GAS2: variants seen among roughly 807,000 people sequenced by gnomAD.
GAS2 encodes growth arrest-specific protein 2.
GAS2 carries 20 observed loss-of-function variants against 37.5 expected under a neutral mutation model. The ratio of observed to expected loss-of-function variants is 0.53; its 90% CI spans 0.37 to 0.77. The LOEUF (loss-of-function observed/expected upper bound fraction) is 0.77, where lower values mean the gene tolerates loss of function less well. Ranked by LOEUF, GAS2 falls within the 30% of genes least tolerant of loss-of-function variation. The pLI is 0.00. For missense variants in GAS2, 336 were observed against 373.4 expected (o/e 0.90, Z 0.82); for synonymous variants, 144 against 132.2 (o/e 1.09, Z -0.61).
chr11:22,788,737 A>C (rs1402809080), intron 7 of GAS2, among the ~76,000 whole-genome samples: 1 of 152,166 alleles, frequency 6.6e-6, no homozygotes, highest in African/African-American at 2.4e-5. Flanking sequence ...ACATCGTATA[A>C]TAGTCAGTAG....
At chr11:22,703,902 T>C (rs1043210648) in intron 3 of GAS2, among the ~76,000 whole-genome samples, 2 of 152,166 alleles carry the variant, frequency 1.3e-5, no homozygotes, top group African/African-American at 2.4e-5. Context: ...CACACCAGTG[T>C]AGGCTGCTTG....
chr11:22,676,512 G>A (rs1014424055), intron 2 of GAS2, among the ~76,000 whole-genome samples: 2 of 152,064 alleles, frequency 1.3e-5, no homozygotes, highest in African/African-American at 2.4e-5. Context: ...ATGATCTTGG[G>A]CAAATTACTT....
chr11:22,775,481 A>G (rs1855212498), intron 7 of GAS2, among the ~76,000 whole-genome samples: 1 of 152,226 alleles, frequency 6.6e-6, no homozygotes, highest in Non-Finnish European at 1.5e-5. Flanking sequence ...TTATTCTGAT[A>G]CATCTGCCTG....
chr11:22,741,198 A>G (rs1317010184), intron 5 of GAS2, among the ~76,000 whole-genome samples: 1 of 152,186 alleles, frequency 6.6e-6, no homozygotes, highest in Non-Finnish European at 1.5e-5. Flanking sequence ...TCTCATGGGT[A>G]AAACTTACTT....
chr11:22,634,694 T>A (rs995682660), intron 1 of GAS2, among the ~76,000 whole-genome samples: 3 of 152,146 alleles, frequency 2.0e-5, no homozygotes, highest in Non-Finnish European at 4.4e-5. Context: ...TTCTCCAGGA[T>A]GGTGCTGGGG....
At position 22,737,767 on chromosome 11, in the gene GAS2, A is replaced by T; in HGVS notation, c.472A>T (p.Arg158Trp). 6.2e-7 allele frequency: 1 copy of T among 1,614,042 alleles called. No individual in the cohort carries two copies. The highest frequency in any genetic ancestry group is 1.1e-5 in the South Asian group (1 of 91,084). ...CLLELGRIAA[R>W]YGVEPPGLIK... The stretch of plus-strand genomic sequence containing the variant: ...GCTAGAGCTTGGCCGGATTGCAGCC[A>T]GGTAGGTCAAACCACTGCAACTATG... The change falls in exon 5 of 8, where the codon AGG (arginine) becomes TGG (tryptophan). Residue 158 changes from arginine (R) to tryptophan (W), a missense_variant and splice_region_variant. Coordinates refer to ENST00000454584, the MANE Select transcript of GAS2 (RefSeq NM_001143830.3).
chr11:22,731,883 T>G (rs1322774963), intron 4 of GAS2, among the ~76,000 whole-genome samples: 1 of 151,818 alleles, frequency 6.6e-6, no homozygotes, highest in Non-Finnish European at 1.5e-5. Context: ...TATTTTAGAC[T>G]TTTTATTTTT....
intron 7 of GAS2, among the ~76,000 whole-genome samples, chr11:22,808,682 C>T (rs1295133427): frequency 6.6e-6 from 1 of 152,164 alleles, no homozygotes; most frequent in Non-Finnish European, 1.5e-5. Context: ...TTGCCAGGGG[C>T]ATTGATACCA....
chr11:22,739,671 G>A (rs1447568678), intron 5 of GAS2, among the ~76,000 whole-genome samples: 1 of 151,002 alleles, frequency 6.6e-6, no homozygotes, highest in African/African-American at 2.4e-5. Flanking sequence ...CTGCTGCCAA[G>A]GAAATGTTCA....
chr11:22,705,627 G>C (rs576131143), intron 3 of GAS2, among the ~76,000 whole-genome samples: 2 of 152,176 alleles, frequency 1.3e-5, no homozygotes, highest in Non-Finnish European at 1.5e-5. Context: ...CTCAACTTTC[G>C]TTTAACCATA....
chr11:22,721,680 G>C (rs1851956272), intron 3 of GAS2, among the ~76,000 whole-genome samples: 1 of 152,046 alleles, frequency 6.6e-6, no homozygotes, highest in Non-Finnish European at 1.5e-5. Flanking sequence ...ATAGCCACAT[G>C]TGGCTAATGG....
intron 1 of GAS2, among the ~76,000 whole-genome samples, chr11:22,667,606 A>G (rs562453854): frequency 1.3e-5 from 2 of 152,274 alleles, no homozygotes; most frequent in South Asian, 2.1e-4. Flanking sequence ...AAAGGAGGCA[A>G]TTTTGCTTTG....
intron 1 of GAS2, among the ~76,000 whole-genome samples, chr11:22,647,981 G>C (rs937585041): frequency 1.3e-5 from 2 of 152,138 alleles, no homozygotes; most frequent in African/African-American, 4.8e-5. Context: ...TGGTGTTTTA[G>C]ACATGAAGTC....
chr11:22,633,550 C>G (rs1437381231), intron 1 of GAS2, among the ~76,000 whole-genome samples: 5 of 152,208 alleles, frequency 3.3e-5, no homozygotes, highest in African/African-American at 1.2e-4. Context: ...GTTCAGGCTT[C>G]AGGCCAGTAG....
At chr11:22,776,383 C>G (rs1855257142) in intron 7 of GAS2, among the ~76,000 whole-genome samples, 1 of 152,064 alleles carries the variant, frequency 6.6e-6, no homozygotes, top group South Asian at 2.1e-4. Flanking sequence ...TTCTATAAAC[C>G]ATATAGTTTG....
intron 5 of GAS2, among the ~76,000 whole-genome samples, chr11:22,740,919 A>G (rs974476208): frequency 2.0e-5 from 3 of 152,216 alleles, no homozygotes; most frequent in Admixed American, 6.5e-5. Flanking sequence ...AGAGCAGATG[A>G]GTTTAGACCT....
intron 3 of GAS2, among the ~76,000 whole-genome samples, chr11:22,725,461 C>G (rs1454004479): frequency 1.3e-5 from 2 of 152,126 alleles, no homozygotes; most frequent in African/African-American, 4.8e-5. Context: ...GAATATCTCA[C>G]TCTGTCACCT....
At chr11:22,768,503 T>G (rs1854811843) in intron 7 of GAS2, among the ~76,000 whole-genome samples, 1 of 152,176 alleles carries the variant, frequency 6.6e-6, no homozygotes, top group Admixed American at 6.5e-5. Flanking sequence ...TCTTGCCAAT[T>G]ATGGAAAACT....
intron 6 of GAS2, among the ~76,000 whole-genome samples, chr11:22,751,152 T>C (rs1853705577): frequency 6.6e-6 from 1 of 151,990 alleles, no homozygotes; most frequent in Non-Finnish European, 1.5e-5. Flanking sequence ...ATATAGTCCA[T>C]AGCCCTCCAT....
Sources: allele counts gnomAD v4.1 joint callset (sites outside exome capture counted in the v4.1 genomes callset), GRCh38; gene constraint gnomAD v4.1.1; transcripts MANE v1.5; gene names NCBI Gene and HGNC (gene_info 2026-07-23, HGNC 2026-07-21).